ORC5: variants seen among roughly 807,000 people sequenced by gnomAD.
The protein encoded by ORC5 is protein phosphatase 1, regulatory subunit 117.
Under a neutral mutation model 58.8 loss-of-function variants are expected in ORC5, and 39 were observed. The observed-to-expected ratio is 0.66, with a 90% CI of 0.51 to 0.87. The LOEUF (loss-of-function observed/expected upper bound fraction) is 0.87. ORC5 is among the 40% of genes least tolerant of loss of function. The pLI, the probability that ORC5 is intolerant of heterozygous loss-of-function variation, is 0.00. For missense variants in ORC5, 493 were observed against 506.3 expected (o/e 0.97, Z 0.25); for synonymous variants, 218 against 177.6 (o/e 1.23, Z -1.81).
chr7:104,174,671 A>G (rs374297306), intron 8 of ORC5, among the ~76,000 whole-genome samples: 1 of 152,202 alleles, frequency 6.6e-6, no homozygotes, highest in Non-Finnish European at 1.5e-5. Context: ...GCAGTCTCCC[A>G]ATAGATAGAA....
chr7:104,140,628 G>A (rs1308595784), intron 12 of ORC5, among the ~76,000 whole-genome samples: 1 of 152,160 alleles, frequency 6.6e-6, no homozygotes, highest in Non-Finnish European at 1.5e-5. Flanking sequence ...GGGAACCTGG[G>A]TGTCACTGTG....
intron 6 of ORC5, among the ~76,000 whole-genome samples, chr7:104,186,763 T>C (rs1195881632): frequency 2.0e-5 from 3 of 152,188 alleles, no homozygotes; most frequent in Non-Finnish European, 4.4e-5. Context: ...GTTCTATATA[T>C]AGAGAAAACT....
At chr7:104,165,549 A>G in intron 10 of ORC5, 1 of 303,500 alleles carries the variant, frequency 3.3e-6, no homozygotes, top group South Asian at 5.1e-5. Flanking sequence ...AAAAGAGCTT[A>G]TTATATTGAT....
intron 3 of ORC5, among the ~76,000 whole-genome samples, chr7:104,198,010 T>C (rs1260139622): frequency 5.9e-5 from 9 of 152,140 alleles, no homozygotes; most frequent in African/African-American, 9.7e-5. Flanking sequence ...GAGTGGGTTA[T>C]TGAGAGAATG....
At chr7:104,145,583 GA>G (rs1191584809) in intron 12 of ORC5, among the ~76,000 whole-genome samples, 2 of 151,606 alleles carry the variant, frequency 1.3e-5, no homozygotes, top group Admixed American at 1.3e-4. Flanking sequence ...CAGAGGGTTA[GA>G]AAAAAAAGAT....
intron 12 of ORC5, among the ~76,000 whole-genome samples, chr7:104,142,661 G>A (rs554014493): frequency 6.6e-6 from 1 of 152,274 alleles, no homozygotes; most frequent in African/African-American, 2.4e-5. Flanking sequence ...AGACAAAATT[G>A]AGATATGTCA....
chr7:104,148,328 A>T (rs1394757202), intron 12 of ORC5, among the ~76,000 whole-genome samples: 1 of 152,182 alleles, frequency 6.6e-6, no homozygotes, highest in Non-Finnish European at 1.5e-5. Context: ...GAATACAAAG[A>T]GATAATTTTG....
chr7:104,139,047 A>C (rs1798633062), intron 12 of ORC5, among the ~76,000 whole-genome samples: 1 of 152,228 alleles, frequency 6.6e-6, no homozygotes, highest in Non-Finnish European at 1.5e-5. Context: ...CCCATAAGCC[A>C]GCAGGAAAAA....
chr7:104,172,153 C>G (rs1016642156), intron 8 of ORC5, among the ~76,000 whole-genome samples: 1 of 152,230 alleles, frequency 6.6e-6, no homozygotes, highest in Non-Finnish European at 1.5e-5. Flanking sequence ...GTAGCAATCT[C>G]TAACTCCTGT....
chr7:104,207,884 C>A lies in ORC5; in HGVS notation c.21G>T (p.Val7=), dbSNP rs141347423. MPHLEN[V]VLCRESQVSI... is the part of the protein sequence containing the mutation. The stretch of plus-strand genomic sequence containing the variant: ...ACACTTGAGACTCGCGACAAAGCAC[C>A]ACGTTTTCCAAGTGGGGCATTCTGG... The change falls in exon 1 of 14, where the codon GTG becomes GTT. Residue 7 remains valine, a synonymous_variant. Coordinates refer to ENST00000297431, the MANE Select transcript of ORC5 (RefSeq NM_002553.4). 3.0e-5 allele frequency: 48 copies of A among 1,614,080 alleles called. No homozygotes were observed. The highest frequency in any genetic ancestry group is 3.7e-5 in the Non-Finnish European group (44 of 1,180,042).
rs2115738362 is a variant in ORC5 at position 104,133,564 on chromosome 7, G to T, written c.1262+3217C>A. On this transcript the variant is annotated intron_variant, in intron 13 of 13. Transcript: ENST00000297431. This position sits in a 1 kb window ranked among gnomAD's most constrained non-coding sequence, Gnocchi z 4.7. ...TCAGTTTTGGAAATGTATTAATATA[G>T]CTGGGAAACAGCAATAAAGGTCAAG... Among the ~76,000 whole-genome samples, 1 of 152,204 alleles carries T rather than the reference G, an allele frequency of 6.6e-6. No individual in the cohort carries two copies. The highest frequency in any genetic ancestry group is 1.9e-4 in the East Asian group (1 of 5,182).
chr7:104,130,017 G>A (rs917009601), intron 13 of ORC5, among the ~76,000 whole-genome samples: 4 of 147,770 alleles, frequency 2.7e-5, no homozygotes, highest in Admixed American at 6.7e-5. Context: ...ATACTATTTT[G>A]TTTCCTTTTA....
intron 5 of ORC5, among the ~76,000 whole-genome samples, chr7:104,191,410 T>C (rs1043253599): frequency 6.6e-5 from 10 of 152,086 alleles, no homozygotes; most frequent in Non-Finnish European, 1.3e-4. Context: ...CTTCTATAAA[T>C]GAATGGCTAA....
chr7:104,194,461 T>C (rs563426754), intron 5 of ORC5, among the ~76,000 whole-genome samples: 1 of 152,184 alleles, frequency 6.6e-6, no homozygotes, highest in Non-Finnish European at 1.5e-5. Flanking sequence ...CCAGTCTTAA[T>C]CCACAAAGCT....
intron 7 of ORC5, 43 bp downstream of exon 7, chr7:104,184,080 C>T: frequency 4.4e-6 from 7 of 1,588,360 alleles, no homozygotes; most frequent in Non-Finnish European, 6.0e-6. Context: ...CTTGTAAAAA[C>T]CTTTCTCAAA....
intron 8 of ORC5, among the ~76,000 whole-genome samples, chr7:104,178,225 A>G (rs1225263365): frequency 1.3e-5 from 2 of 152,168 alleles, no homozygotes; most frequent in African/African-American, 4.8e-5. Flanking sequence ...CAGCCTCACC[A>G]GCATCGTTTC....
intron 6 of ORC5, chr7:104,187,776 G>C: frequency 1.0e-6 from 1 of 981,900 alleles, no homozygotes; most frequent in Non-Finnish European, 1.2e-6. Context: ...CAGGGTCAGT[G>C]GTTAATGAAA....
chr7:104,195,173 ACGG>A lies in ORC5; in HGVS notation c.520_522del (p.Pro174del). 6.3e-7 allele frequency: 1 copy of A among 1,575,284 alleles called. No homozygotes were observed. The highest frequency in any genetic ancestry group is 8.6e-7 in the Non-Finnish European group (1 of 1,165,430). Reference sequence around the variant, plus strand: ...CTGTAATCAGGGAAATATAAGACAAACGGCTCAAAGCATCCAGTATTTGGACGA... The same window carrying A: ...CTGTAATCAGGGAAATATAAGACAAACTCAAAGCATCCAGTATTTGGACGA... On this transcript the variant is annotated inframe_deletion, in exon 5 of 14. Coordinates refer to ENST00000297431, the MANE Select transcript of ORC5 (RefSeq NM_002553.4).
chr7:104,184,300 TA>T (rs2115977687), intron 6 of ORC5, 129 bp from the exon 7 acceptor site: 2 of 646,810 alleles, frequency 3.1e-6, no homozygotes, highest in East Asian at 5.5e-5. Flanking sequence ...AAGTCAAATG[TA>T]ATTATACGCA....
Sources: gnomAD v4.1 joint callset for allele counts (sites outside exome capture counted in the v4.1 genomes callset) on GRCh38, gnomAD v4.1.1 for gene constraint, Gnocchi (gnomAD v3.1) non-coding constraint, MANE v1.5 for transcripts, NCBI Gene and HGNC (gene_info 2026-07-23, HGNC 2026-07-21) for gene names.